CLCN7: variants seen among roughly 807,000 people sequenced by gnomAD.
CLCN7 encodes the protein H(+)/Cl(-) exchange transporter 7.
In CLCN7, 60 loss-of-function variants were observed where a neutral mutation model predicts 102.1. That is an observed-to-expected ratio of 0.59 (90% CI 0.48 to 0.73). The LOEUF (loss-of-function observed/expected upper bound fraction) is 0.73, where lower values mean the gene tolerates loss of function less well. Among genes scored for constraint, CLCN7 ranks in the 30% least tolerant of loss-of-function variants. The pLI is 0.00. For synonymous variants in CLCN7, 560 were observed against 490.5 expected, an observed-to-expected ratio of 1.14 and a Z score of -1.87; for missense variants, 962 against 1,125.7, an observed-to-expected ratio of 0.85 and a Z score of 2.08.
Position 1,457,830 on chromosome 16 carries a change from A to G in CLCN7, c.676-74T>C. The stretch of plus-strand genomic sequence containing the variant: ...CTTTGGACCTGAGCCGTAAAACAGC[A>G]CACACAGCCCCGATCAGGCAGAGTG... On this transcript the variant is annotated intron_variant, in intron 7 of 24. Transcript: ENST00000382745. This position sits in a 1 kb window ranked among gnomAD's most constrained non-coding sequence, Gnocchi z 5.4. 3.5e-6 allele frequency: 5 copies of G among 1,436,398 alleles called. No homozygotes were observed. In the South Asian group the frequency reaches 5.7e-5, roughly 16 times the overall value. The allele number at this position is 1,436,398 out of a possible 1,614,324, so 89.0% of individuals were successfully genotyped here.
At chr16:1,472,940 T>G (rs1001649796) in intron 1 of CLCN7, among the ~76,000 whole-genome samples, 1 of 148,530 alleles carries the variant, frequency 6.7e-6, no homozygotes, top group Admixed American at 6.7e-5. Flanking sequence ...CTAATTTTGT[T>G]TTTTTTTTTT....
chr16:1,472,939 T>G (rs1448144086), intron 1 of CLCN7, among the ~76,000 whole-genome samples: 3 of 124,076 alleles, frequency 2.4e-5, no homozygotes, highest in African/African-American at 8.3e-5. Context: ...GCTAATTTTG[T>G]TTTTTTTTTT....
At chr16:1,447,614 G>T (rs747828901) in intron 22 of CLCN7, 41 bp downstream of exon 22, 2 of 1,551,652 alleles carry the variant, frequency 1.3e-6, no homozygotes, top group South Asian at 2.4e-5. Context: ...CAGCACCCCC[G>T]GGGCCCCCAC....
Position 1,459,177 on chromosome 16 carries a change from G to T in CLCN7, c.605C>A (p.Ala202Asp). ...VIVAFIEPVA[A>D]GSGIPQIKCF... Reference sequence around the variant, plus strand: ...CTTGATCTGGGGGATTCCGCTGCCAGCAGCCACCGGCTGAAAGAGGGGAAG... The same window carrying T: ...CTTGATCTGGGGGATTCCGCTGCCATCAGCCACCGGCTGAAAGAGGGGAAG... The change falls in exon 7 of 25, where the codon GCT becomes GAT. Residue 202 changes from alanine (A) to aspartate (D), a missense_variant. Physicochemically the swap from Ala to Asp is moderately radical, Grantham distance 126 (BLOSUM62 -2). Around this residue, in one of 2 missense-constraint regions of CLCN7, gnomAD observed 799 missense variants for 988.0 expected, o/e 0.81. Transcript: ENST00000382745. 1 of 1,613,196 alleles carries T rather than the reference G, an allele frequency of 6.2e-7. No homozygotes were observed. Among genetic ancestry groups the T allele is most frequent in the Non-Finnish European group, 8.5e-7 (1 of 1,179,890 alleles).
intron 23 of CLCN7, 142 bp downstream of exon 23, chr16:1,447,250 C>A: frequency 8.6e-7 from 1 of 1,164,674 alleles, no homozygotes; most frequent in Non-Finnish European, 1.2e-6. Flanking sequence ...AGCTCTAAAG[C>A]CTGCCAGGCC....
chr16:1,450,447 G>A (rs1285696084), intron 17 of CLCN7, 50 bp downstream of exon 17: 2 of 1,532,236 alleles, frequency 1.3e-6, no homozygotes, highest in Non-Finnish European at 1.8e-6. Flanking sequence ...GATGCCGCAA[G>A]ACCTGGCTCA....
At chr16:1,455,911 G>C (rs1026037931) in intron 10 of CLCN7, 116 bp from the exon 11 acceptor site, 7 of 1,211,352 alleles carry the variant, frequency 5.8e-6, no homozygotes, top group Non-Finnish European at 8.3e-6. Flanking sequence ...AGCTAATGGG[G>C]TGGGCCCCAG....
At chr16:1,451,338 C>G (rs1370015176) in intron 16 of CLCN7, among the ~76,000 whole-genome samples, 4 of 152,288 alleles carry the variant, frequency 2.6e-5, no homozygotes, top group Admixed American at 6.5e-5. Flanking sequence ...CTCCCAAGTA[C>G]CTGGGACTGT....
Position 1,461,551 on chromosome 16 carries a change from G to T in CLCN7, c.285+52C>A, listed in dbSNP as rs2744994. 921,574 of 1,608,564 alleles carry T rather than the reference G, an allele frequency of 0.57. 267,541 individuals are homozygous for T. Among genetic ancestry groups the T allele is most frequent in the African/African-American group, 0.69 (51,829 of 74,864 alleles). ...GGGCACAGGGGACCGGGAGTGGGCT[G>T]GCAGGGGGCAGAGGCCGGGTCTCAG... On this transcript the variant is annotated intron_variant, in intron 3 of 24. Coordinates refer to ENST00000382745, the MANE Select transcript of CLCN7 (RefSeq NM_001287.6).
Position 1,447,533 on chromosome 16 carries a change from C to T in CLCN7, c.2109G>A (p.Gln703=). The T allele has an allele frequency of 6.4e-7, 1 of 1,555,862 alleles. No individual in the cohort carries two copies. The highest frequency in any genetic ancestry group is 1.2e-5 in the South Asian group (1 of 84,476). The change falls in exon 23 of 25, where the codon CAG becomes CAA. Residue 703 remains glutamine, a synonymous_variant. Coordinates refer to ENST00000382745, the MANE Select transcript of CLCN7 (RefSeq NM_001287.6). The part of the protein sequence containing the change: ...FVERSNLGLV[Q]RRLRLKDFRD... ...GGAAGTCCTTCAGCCTCAGGCGCCG[C>T]TGTACCAGGCCCAGGTTGGACCGCT...
rs1339113016 is a variant in CLCN7 at position 1,454,450 on chromosome 16, T to C, written c.1114A>G (p.Ile372Val). The change falls in exon 13 of 25, where the codon ATC (isoleucine) becomes GTC (valine). Residue 372 changes from isoleucine (I) to valine (V), a missense_variant. Ile to Val is a conservative substitution (Grantham distance 29). Transcript: ENST00000382745. ...GCGATGAAGACCGGGATCTCGTGGA[T>C]CGTGTAGGCCATTTTCTGTGCAGAG... ...RFDSEKMAYT[I>V]HEIPVFIAMG... 5 of 1,613,540 alleles carry C rather than the reference T, an allele frequency of 3.1e-6. No homozygotes were observed. Among genetic ancestry groups the C allele is most frequent in the Non-Finnish European group, 4.2e-6 (5 of 1,179,988 alleles).
intron 1 of CLCN7, chr16:1,472,738 A>T (rs1393242003): frequency 1.3e-5 from 2 of 151,740 alleles, no homozygotes; most frequent in Non-Finnish European, 2.9e-5. Context: ...TTCTTTAATT[A>T]AAAAAATTTT....
At position 1,448,950 on chromosome 16, in the gene CLCN7, C is replaced by G. The variant is rs12932780; in HGVS notation, c.1797+16G>C. ...CACCCACGCTCTCAGGGTGAGGCTT[C>G]GAGGCCCTGGCGCACCTCAATGAAG... On this transcript the variant is annotated intron_variant, in intron 19 of 24. Coordinates refer to ENST00000382745, the MANE Select transcript of CLCN7 (RefSeq NM_001287.6). 1.9e-6 allele frequency: 3 copies of G among 1,611,680 alleles called. No individual in the cohort carries two copies. In the African/African-American group the frequency reaches 4.0e-5, roughly 22 times the overall value.
Position 1,455,395 on chromosome 16 carries a change from A to G in CLCN7, c.982-145T>C, listed in dbSNP as rs1004300235. The G allele has an allele frequency of 4.0e-6, 3 of 747,080 alleles. No individual in the cohort carries two copies. The African/African-American group carries it at 5.1e-5, about 13-fold the overall frequency. 46.3% of individuals were successfully genotyped at this position (747,080 alleles called of 1,614,324 possible). On this transcript the variant is annotated intron_variant, in intron 11 of 24. Coordinates refer to ENST00000382745, the MANE Select transcript of CLCN7 (RefSeq NM_001287.6). ...CCCAAGGCAGAAGGGAAGGGGCTGG[A>G]GCCAGGGGTGGGCGCACTGTGCGGG...
chr16:1,461,729 A>C, intron 2 of CLCN7, 55 bp from the exon 3 acceptor site: 2 of 1,450,282 alleles, frequency 1.4e-6, no homozygotes, highest in Non-Finnish European at 1.9e-6. Context: ...ACAAGGAGAG[A>C]GGCCCCTCTC....
chr16:1,466,300 T>TC (rs1276371118), intron 1 of CLCN7, among the ~76,000 whole-genome samples: 2 of 151,784 alleles, frequency 1.3e-5, no homozygotes, highest in Admixed American at 1.3e-4. Context: ...CCCCTCCTCA[T>TC]CCCCCCATCT....
chr16:1,460,334 G>C (rs866779221), intron 6 of CLCN7, 84 bp downstream of exon 6: 1 of 997,366 alleles, frequency 1.0e-6, no homozygotes, highest in Middle Eastern at 2.2e-4. Context: ...GTGGGGGTGG[G>C]TGAGCTGCAG....
intron 17 of CLCN7, chr16:1,449,796 C>A: frequency 4.8e-6 from 1 of 209,328 alleles, no homozygotes. Flanking sequence ...CGCACTGCCT[C>A]GTGAACGTGA....
chr16:1,450,411 G>A (rs2038725928), intron 17 of CLCN7, 86 bp downstream of exon 17: 1 of 1,317,488 alleles, frequency 7.6e-7, no homozygotes, highest in South Asian at 1.3e-5. Flanking sequence ...CTTTTGTCCT[G>A]CCCTGGGACT....
Sources: allele counts gnomAD v4.1 joint callset (sites outside exome capture counted in the v4.1 genomes callset), GRCh38; gene constraint gnomAD v4.1.1; regional missense constraint gnomAD v4.1.1; non-coding constraint Gnocchi (gnomAD v3.1); transcripts MANE v1.5; gene names NCBI Gene and HGNC (gene_info 2026-07-23, HGNC 2026-07-21).